Variants in TEX36 observed in about 807,000 individuals in gnomAD.
The protein encoded by TEX36 is testis-expressed protein 36.
Under a neutral mutation model 13.6 loss-of-function variants are expected in TEX36, and 12 were observed. The observed-to-expected ratio is 0.88, with a 90% confidence interval of 0.56 to 1.43. The LOEUF (loss-of-function observed/expected upper bound fraction) is 1.43, where lower values mean the gene tolerates loss of function less well. Ranked by LOEUF, TEX36 falls within the 40% of genes most tolerant of loss-of-function variation. TEX36 has a pLI of 0.00. For missense variants in TEX36, 224 were observed against 228.3 expected, an observed-to-expected ratio of 0.98 and a Z score of 0.12; for synonymous variants, 93 against 83.0, an observed-to-expected ratio of 1.12 and a Z score of -0.65.
chr10:125,639,707 A>G (rs1846661989), intron 3 of TEX36, among the ~76,000 whole-genome samples: 1 of 152,200 alleles, frequency 6.6e-6, no homozygotes, highest in Non-Finnish European at 1.5e-5. Flanking sequence ...TTTAACCCAG[A>G]CTATCCTCGT....
intron 3 of TEX36, among the ~76,000 whole-genome samples, chr10:125,638,966 C>T (rs1589766818): frequency 2.6e-5 from 4 of 152,356 alleles, no homozygotes; most frequent in Admixed American, 2.6e-4. Flanking sequence ...TATCATTAGG[C>T]TTTCAGTAAA....
chr10:125,618,504 C>T (rs1270752986), downstream of TEX36, among the ~76,000 whole-genome samples: 1 of 152,130 alleles, frequency 6.6e-6, no homozygotes, highest in African/African-American at 2.4e-5. Context: ...TTCCTTCTAA[C>T]AGACAGGACC....
At chr10:125,628,482 C>T (rs1218529803) in intron 3 of TEX36, among the ~76,000 whole-genome samples, 1 of 152,098 alleles carries the variant, frequency 6.6e-6, no homozygotes, top group Non-Finnish European at 1.5e-5. Context: ...AAGTTGCTTT[C>T]TTTTGGAATA....
intron 3 of TEX36, among the ~76,000 whole-genome samples, chr10:125,645,131 G>A (rs937340350): frequency 7.9e-5 from 12 of 152,192 alleles, no homozygotes; most frequent in Non-Finnish European, 1.2e-4. Flanking sequence ...ACCTCACCAC[G>A]TGCACCCAGA....
chr10:125,632,746 G>A (rs1340591883), intron 3 of TEX36, among the ~76,000 whole-genome samples: 2 of 152,144 alleles, frequency 1.3e-5, no homozygotes, highest in African/African-American at 4.8e-5. Context: ...AGTTCCGTCC[G>A]CTTTTCTGCA....
At chr10:125,605,513 C>T (rs1846205546) in intron 3 of TEX36, among the ~76,000 whole-genome samples, 1 of 152,126 alleles carries the variant, frequency 6.6e-6, no homozygotes, top group Non-Finnish European at 1.5e-5. Flanking sequence ...GTGGTAAGTG[C>T]TTTAGAATTC....
At chr10:125,652,373 A>G (rs1362189485), downstream of TEX36, among the ~76,000 whole-genome samples, 1 of 152,246 alleles carries the variant, frequency 6.6e-6, no homozygotes, top group Non-Finnish European at 1.5e-5. Context: ...CCTGACAAAA[A>G]CAAGAAATGG....
At chr10:125,579,859 CT>C (rs1845864415) in intron 3 of TEX36, among the ~76,000 whole-genome samples, 1 of 152,092 alleles carries the variant, frequency 6.6e-6, no homozygotes, top group African/African-American at 2.4e-5. Flanking sequence ...CCTGTACAGC[CT>C]GTGGAACTGT....
chr10:125,598,863 C>A (rs1846110891), intron 3 of TEX36, among the ~76,000 whole-genome samples: 2 of 152,140 alleles, frequency 1.3e-5, no homozygotes, highest in Admixed American at 1.3e-4. Flanking sequence ...AATTCCATAC[C>A]ATTGTTGGAA....
At chr10:125,613,249 ATTTATTTATTTATT>A (rs2133553156) in intron 3 of TEX36, among the ~76,000 whole-genome samples, 1 of 35,760 alleles carries the variant, frequency 2.8e-5, no homozygotes, top group South Asian at 7.7e-4. Flanking sequence ...TCTTTTATTT[ATTTATTTATTTATT>A]TATTTATTTA....
intron 1 of TEX36, among the ~76,000 whole-genome samples, chr10:125,673,152 A>G (rs1847260234): frequency 6.6e-6 from 1 of 152,150 alleles, no homozygotes; most frequent in Non-Finnish European, 1.5e-5. Context: ...ATCTATGAAT[A>G]TGATCCTGTC....
chr10:125,626,776 C>T (rs2133564375), intron 3 of TEX36, among the ~76,000 whole-genome samples: 1 of 152,288 alleles, frequency 6.6e-6, no homozygotes, highest in Admixed American at 6.5e-5. Context: ...CCGAACACTA[C>T]AGTCATCCCA....
At chr10:125,667,137 C>A in intron 1 of TEX36, 1 of 728,642 alleles carries the variant, frequency 1.4e-6, no homozygotes. Flanking sequence ...GGCCTCCAGA[C>A]AGGAATGTGA....
chr10:125,604,478 C>A (rs1411433174), intron 3 of TEX36, among the ~76,000 whole-genome samples: 1 of 151,532 alleles, frequency 6.6e-6, no homozygotes, highest in Non-Finnish European at 1.5e-5. Context: ...GAGTTCAAGA[C>A]CAGCCTAGGC....
At chr10:125,648,522 A>C (rs1052700749) in intron 3 of TEX36, among the ~76,000 whole-genome samples, 34 of 152,240 alleles carry the variant, frequency 2.2e-4, no homozygotes, top group African/African-American at 8.0e-4. Flanking sequence ...CATCAAAGAC[A>C]AAAGGTAGAT....
chr10:125,666,790 C>A (rs942734035), intron 1 of TEX36: 1 of 240,932 alleles, frequency 4.2e-6, no homozygotes, highest in Admixed American at 5.1e-5. Flanking sequence ...GGCAAGCCAA[C>A]CTGGAGACCT....
intron 1 of TEX36, chr10:125,667,043 G>T: frequency 6.7e-7 from 1 of 1,488,164 alleles, no homozygotes; most frequent in Non-Finnish European, 9.2e-7. Flanking sequence ...CAGGGCAGAG[G>T]CCTGCAGGGC....
At chr10:125,629,192 T>G (rs1232068999) in intron 3 of TEX36, among the ~76,000 whole-genome samples, 1 of 152,094 alleles carries the variant, frequency 6.6e-6, no homozygotes, top group African/African-American at 2.4e-5. Flanking sequence ...CCAGCACTGG[T>G]CACTCACAAA....
chr10:125,659,802 G>A (rs779041182), intron 3 of TEX36, among the ~76,000 whole-genome samples: 4 of 152,150 alleles, frequency 2.6e-5, no homozygotes, highest in Non-Finnish European at 4.4e-5. Context: ...GTTGGTATAT[G>A]GCAGATGCTT....
Sources: gnomAD v4.1 joint callset for allele counts (sites outside exome capture counted in the v4.1 genomes callset) on GRCh38, gnomAD v4.1.1 for gene constraint, MANE v1.5 for transcripts, NCBI Gene and HGNC (gene_info 2026-07-23, HGNC 2026-07-21) for gene names.